CFAP61: variants seen among roughly 807,000 people sequenced by gnomAD.
The protein encoded by CFAP61 is cilia- and flagella-associated protein 61.
Under a neutral mutation model 135.6 loss-of-function variants are expected in CFAP61, and 107 were observed. That is an observed-to-expected ratio of 0.79 (90% confidence interval 0.67 to 0.93). The LOEUF (loss-of-function observed/expected upper bound fraction) is 0.93, where lower values mean the gene tolerates loss of function less well. CFAP61 is among the 40% of genes least tolerant of loss of function. The probability of loss-of-function intolerance (pLI) is 0.00; values close to 1 mark genes in which losing one functional copy is unlikely to be tolerated. For synonymous variants in CFAP61, 575 were observed against 578.5 expected (o/e 0.99, Z 0.09); for missense variants, 1,507 against 1,556.2 (o/e 0.97, Z 0.53).
chr20:20,180,254 G>A (rs766018908), intron 13 of CFAP61, among the ~76,000 whole-genome samples: 3 of 151,756 alleles, frequency 2.0e-5, no homozygotes, highest in South Asian at 2.1e-4. Context: ...GCGTGAACCC[G>A]CAAGGTGGAG....
At chr20:20,135,527 A>G (rs906970924) in intron 8 of CFAP61, among the ~76,000 whole-genome samples, 9 of 152,176 alleles carry the variant, frequency 5.9e-5, no homozygotes, top group African/African-American at 9.7e-5. Flanking sequence ...TTGTGTATCC[A>G]TTGTATGTTT....
chr20:20,178,957 T>C (rs571585625), intron 13 of CFAP61, among the ~76,000 whole-genome samples: 1 of 152,324 alleles, frequency 6.6e-6, no homozygotes, highest in African/African-American at 2.4e-5. Flanking sequence ...ATCACTTCTT[T>C]GGAATCCAGA....
intron 25 of CFAP61, among the ~76,000 whole-genome samples, chr20:20,309,666 G>C (rs372415794): frequency 6.6e-6 from 1 of 152,080 alleles, no homozygotes; most frequent in South Asian, 2.1e-4. Context: ...AAAAGCAGTT[G>C]TTGTGTTTGA....
chr20:20,197,643 C>T (rs2056383004), intron 16 of CFAP61, among the ~76,000 whole-genome samples: 1 of 152,100 alleles, frequency 6.6e-6, no homozygotes, highest in African/African-American at 2.4e-5. Flanking sequence ...CCCACACGCA[C>T]ACACTCACAC....
chr20:20,315,300 T>C (rs922421067), intron 25 of CFAP61, among the ~76,000 whole-genome samples: 2 of 151,322 alleles, frequency 1.3e-5, no homozygotes, highest in Admixed American at 6.6e-5. Context: ...ATGGTGAGCA[T>C]TTTTTCATGT....
At chr20:20,293,917 A>C (rs527276507) in intron 24 of CFAP61, among the ~76,000 whole-genome samples, 5 of 152,308 alleles carry the variant, frequency 3.3e-5, no homozygotes, top group Admixed American at 6.5e-5. Context: ...AGTCTGATGA[A>C]TCCTGTGTCT....
At position 20,251,573 on chromosome 20, in the gene CFAP61, T is replaced by TA. The variant is rs780175084; in HGVS notation, c.2160-21dup. On this transcript the variant is annotated intron_variant, in intron 19 of 26. Coordinates refer to ENST00000245957, the MANE Select transcript of CFAP61 (RefSeq NM_015585.4). ...CGCTGTCAGCTGCTCAGATGTCACT[T>TA]ACGGAGCTTCTCTCTTTGCAGCCAC... 6.8e-6 allele frequency: 11 copies of TA among 1,612,024 alleles called. No individual in the cohort carries two copies. The Admixed American group carries it at 1.2e-4, about 17-fold the overall frequency.
At position 20,108,665 on chromosome 20, in the gene CFAP61, A is replaced by G. The variant is rs116111318; in HGVS notation, c.859+9851A>G. ...GAAGTGGCAATAGAGCAACGCTTTT[A>G]TTTCCTCCCTATATTTTTTAAAATG... On this transcript the variant is annotated intron_variant, in intron 8 of 26. Coordinates refer to ENST00000245957, the MANE Select transcript of CFAP61 (RefSeq NM_015585.4). Among the ~76,000 whole-genome samples the G allele has an allele frequency of 1.0e-3, 157 of 152,306 alleles. 3 individuals are homozygous for G. The highest frequency in any genetic ancestry group is 3.6e-3 in the African/African-American group (150 of 41,574).
chr20:20,093,938 A>G (rs1462684104), intron 7 of CFAP61, among the ~76,000 whole-genome samples: 2 of 152,050 alleles, frequency 1.3e-5, no homozygotes, highest in African/African-American at 2.4e-5. Context: ...CAGCCTCCCA[A>G]AGTGCTACGG....
At chr20:20,137,927 G>A (rs1306775640) in intron 8 of CFAP61, among the ~76,000 whole-genome samples, 1 of 152,176 alleles carries the variant, frequency 6.6e-6, no homozygotes, top group African/African-American at 2.4e-5. Context: ...GGCTACTGCT[G>A]CTGATTATTC....
Position 20,251,724 on chromosome 20 carries a change from C to CT in CFAP61, c.2290dup (p.Tyr764LeufsTer21). 3.7e-6 allele frequency: 6 copies of CT among 1,614,032 alleles called. No individual in the cohort carries two copies. The highest frequency in any genetic ancestry group is 5.1e-6 in the Non-Finnish European group (6 of 1,180,042). On this transcript the variant is annotated frameshift_variant, in exon 20 of 27. Coordinates refer to ENST00000245957, the MANE Select transcript of CFAP61 (RefSeq NM_015585.4). LOFTEE classifies it high-confidence loss of function. The stretch of plus-strand genomic sequence containing the variant: ...TGCTTTCCACGGACGAGATCGTGCC[C>CT]TACGACCACCTCATCCTCTGCACCG...
Position 20,066,660 on chromosome 20 carries a change from C to T in CFAP61, c.144-4194C>T, listed in dbSNP as rs1185963200. Among the ~76,000 whole-genome samples, 5 of 151,954 alleles carry T rather than the reference C, an allele frequency of 3.3e-5. No individual in the cohort carries two copies. In the East Asian group the frequency reaches 5.8e-4, roughly 18 times the overall value. ...CATGGACACAGGGAGGGGAACATCA[C>T]GCACCAGGGCCTGTCGGGGTGGGGG... On this transcript the variant is annotated intron_variant, in intron 2 of 26. Transcript: ENST00000245957.
chr20:20,238,704 T>G (rs1359910119), intron 18 of CFAP61, among the ~76,000 whole-genome samples: 2 of 152,204 alleles, frequency 1.3e-5, no homozygotes, highest in African/African-American at 4.8e-5. Context: ...AAATGGGCAA[T>G]GTGACCCTCT....
At chr20:20,303,190 A>G (rs1296522764) in intron 25 of CFAP61, among the ~76,000 whole-genome samples, 2 of 152,046 alleles carry the variant, frequency 1.3e-5, no homozygotes, top group Non-Finnish European at 2.9e-5. Flanking sequence ...GACTTTCCGG[A>G]AAAAAAATGT....
rs140052249 is a variant in CFAP61 at position 20,086,062 on chromosome 20, T to C, written c.567-4782T>C. 5.5e-3 allele frequency among the ~76,000 whole-genome samples: 840 copies of C among 152,188 alleles called. 10 individuals are homozygous for C. Among genetic ancestry groups the C allele is most frequent in the African/African-American group, 0.019 (796 of 41,514 alleles). On this transcript the variant is annotated intron_variant, in intron 6 of 26. Coordinates refer to ENST00000245957, the MANE Select transcript of CFAP61 (RefSeq NM_015585.4). ...CCAGAGAGCAGGCTTTAGTGCGTCA[T>C]CTGTGTCTTGCAGCTATTCTTGTCC...
chr20:20,105,793 G>C (rs187887545), intron 8 of CFAP61, among the ~76,000 whole-genome samples: 4 of 107,722 alleles, frequency 3.7e-5, no homozygotes, highest in Non-Finnish European at 7.7e-5. Flanking sequence ...CACCATGCCC[G>C]GCTAATTTTT....
At chr20:20,052,820 A>T in intron 1 of CFAP61, 1 of 1,228,840 alleles carries the variant, frequency 8.1e-7, no homozygotes, top group Non-Finnish European at 1.1e-6. Context: ...CGACGGGGCG[A>T]GCTGCCGCCC....
intron 25 of CFAP61, among the ~76,000 whole-genome samples, chr20:20,319,399 T>C (rs1218926608): frequency 6.6e-6 from 1 of 152,234 alleles, no homozygotes; most frequent in Non-Finnish European, 1.5e-5. Flanking sequence ...CCAAATCTCA[T>C]GTTGAATTGC....
chr20:20,074,302 C>T lies in CFAP61; in HGVS notation c.295C>T (p.Pro99Ser), dbSNP rs2045917030. The T allele has an allele frequency of 3.1e-6, 5 of 1,613,740 alleles. No homozygotes were observed. In the Admixed American group the frequency reaches 8.3e-5, roughly 27 times the overall value. ...ATCCGTGTTCTCTCTTCTTCTGCAG[C>T]CCCTGAATACGTTGTTCATGCACCT... ...RELDSDIPCT[P>S]LNTLFMHLFV... is the part of the protein sequence containing the mutation. Residue 99 changes from proline to serine, a missense_variant and splice_region_variant, in exon 4 of 27, where the codon CCC (proline) becomes TCC (serine). Transcript: ENST00000245957.
Sources: allele counts gnomAD v4.1 joint callset (sites outside exome capture counted in the v4.1 genomes callset), GRCh38; gene constraint gnomAD v4.1.1; transcripts MANE v1.5; gene names NCBI Gene and HGNC (gene_info 2026-07-23, HGNC 2026-07-21).